IQGAP1: variants seen among roughly 807,000 people sequenced by gnomAD.
IQGAP1 encodes IQ motif containing GTPase activating protein 1, also known as ras GTPase-activating-like protein IQGAP1.
In IQGAP1, 66 loss-of-function variants were observed where a neutral mutation model predicts 215.6. The observed-to-expected ratio is 0.31, with a 90% CI of 0.25 to 0.38. The LOEUF is 0.38. Among genes scored for constraint, IQGAP1 ranks in the 10% least tolerant of loss-of-function variants. The pLI is 1.00. For synonymous variants in IQGAP1, 772 were observed against 728.7 expected (o/e 1.06, Z -0.96); for missense variants, 1,712 against 1,997.1 (o/e 0.86, Z 2.72).
chr15:90,457,001 T>TGA (rs1965693971), intron 15 of IQGAP1, among the ~76,000 whole-genome samples: 1 of 149,874 alleles, frequency 6.7e-6, no homozygotes, highest in Non-Finnish European at 1.5e-5. Flanking sequence ...TATATATATA[T>TGA]GATCCAGAAA....
At chr15:90,476,924 G>T in intron 24 of IQGAP1, 106 bp downstream of exon 24, 1 of 1,321,418 alleles carries the variant, frequency 7.6e-7, no homozygotes, top group South Asian at 1.3e-5. Flanking sequence ...TTCCACTGAG[G>T]GGTGAGTGAG....
In IQGAP1 at chr15:90,500,515, A is replaced by C. The variant is rs1966327606; in HGVS notation, c.*407A>C. ...TGGAAGCTATTAGCACCAATGACAT[A>C]AATACATACAAGACACACAACTAAA... On this transcript the variant is annotated 3_prime_UTR_variant, in exon 38 of 38. Transcript: ENST00000268182. The C allele has an allele frequency of 6.3e-6, 1 of 158,556 alleles. No individual in the cohort carries two copies. The highest frequency in any genetic ancestry group is 1.4e-5 in the Non-Finnish European group (1 of 71,614). The allele number at this position is 158,556 out of a possible 1,614,324, so 9.8% of individuals were successfully genotyped here.
intron 5 of IQGAP1, among the ~76,000 whole-genome samples, chr15:90,438,094 A>G (rs1314084799): frequency 6.6e-6 from 1 of 152,238 alleles, no homozygotes; most frequent in Non-Finnish European, 1.5e-5. Context: ...ATTGCAGTGT[A>G]CATGATGCGT....
intron 17 of IQGAP1, 57 bp downstream of exon 17, chr15:90,466,493 G>GACCCC: frequency 3.4e-6 from 4 of 1,187,814 alleles, no homozygotes; most frequent in Middle Eastern, 2.0e-4. Flanking sequence ...TATATGAGGG[G>GACCCC]ACAGATGTAG....
chr15:90,464,380 C>T (rs140063237), intron 15 of IQGAP1, among the ~76,000 whole-genome samples: 106 of 152,218 alleles, frequency 7.0e-4, no homozygotes, highest in African/African-American at 2.4e-3. Flanking sequence ...CCTACATAAC[C>T]TCAGTATGAC....
rs1448919189 is a variant in IQGAP1, at chr15:90,453,312, G to A, written c.1487+20G>A. On this transcript the variant is annotated intron_variant, in intron 13 of 37. Transcript: ENST00000268182. ...TCAGAGGTGGGTGTCCAGAGTGAAG[G>A]GAATAAATCCATTACGTAGCTGTTA... The A allele has an allele frequency of 1.3e-6, 2 of 1,590,416 alleles. No individual in the cohort carries two copies. The highest frequency in any genetic ancestry group is 2.3e-5 in the South Asian group (2 of 88,142).
At chr15:90,439,565 C>G (rs900106785) in intron 6 of IQGAP1, among the ~76,000 whole-genome samples, 166 bp downstream of exon 6, 1 of 151,580 alleles carries the variant, frequency 6.6e-6, no homozygotes, top group Non-Finnish European at 1.5e-5. Flanking sequence ...GAACACTAAA[C>G]TTGAAATTTC....
intron 2 of IQGAP1, among the ~76,000 whole-genome samples, chr15:90,419,849 G>C (rs899604097): frequency 6.6e-6 from 1 of 152,202 alleles, no homozygotes; most frequent in Non-Finnish European, 1.5e-5. Context: ...AGGCTGGTCA[G>C]ACCATACCTG....
chr15:90,448,873 A>C (rs1271288034), intron 10 of IQGAP1, 137 bp downstream of exon 10: 2 of 774,216 alleles, frequency 2.6e-6, no homozygotes, highest in African/African-American at 3.6e-5. Flanking sequence ...TTAGTTTAAA[A>C]AAAAATCCTC....
At position 90,482,372 on chromosome 15, in the gene IQGAP1, G is replaced by A. The variant is rs375996103; in HGVS notation, c.3555+91G>A. ...ATAGATCATTACTAACTGCCTAAGTGTAGGTTCTGGCAGTAGCTTACCATT... is the reference window on the plus strand; with the variant it reads ...ATAGATCATTACTAACTGCCTAAGTATAGGTTCTGGCAGTAGCTTACCATT... On this transcript the variant is annotated intron_variant, in intron 28 of 37. Transcript: ENST00000268182. 1,054 of 1,208,502 alleles carry A rather than the reference G, an allele frequency of 8.7e-4. 3 individuals carry two copies. The African/African-American group carries it at 0.014, about 16-fold the overall frequency. The allele number at this position is 1,208,502 out of a possible 1,614,324, so 74.9% of individuals were successfully genotyped here.
At chr15:90,397,811 CG>C (rs1964745474) in intron 2 of IQGAP1, 1 of 151,652 alleles carries the variant, frequency 6.6e-6, no homozygotes, top group Non-Finnish European at 1.5e-5. Flanking sequence ...CCACCACGCC[CG>C]GCCTGAACTC....
chr15:90,391,011 G>GT (rs1964628221), intron 2 of IQGAP1, 138 bp downstream of exon 2: 3 of 600,736 alleles, frequency 5.0e-6, no homozygotes, highest in Non-Finnish European at 9.2e-6. Flanking sequence ...AGGTGGGGGG[G>GT]AATCACTTGA....
At chr15:90,461,989 A>G (rs56257214) in intron 15 of IQGAP1, among the ~76,000 whole-genome samples, 28,928 of 59,924 alleles carry the variant, frequency 0.48, 4,045 homozygotes, top group African/African-American at 0.61. Context: ...AACACAAAAA[A>G]AAAAAAAAAA....
chr15:90,483,173 A>G lies in IQGAP1; in HGVS notation c.3556-188A>G, dbSNP rs561481856. 8.9e-6 allele frequency: 5 copies of G among 562,810 alleles called. No homozygotes were observed. In the South Asian group the frequency reaches 1.1e-4, roughly 12 times the overall value. 34.9% of individuals were successfully genotyped at this position (562,810 alleles called of 1,614,324 possible). On this transcript the variant is annotated intron_variant, in intron 28 of 37. Transcript: ENST00000268182. The stretch of plus-strand genomic sequence containing the variant: ...TTGTTTTCCTGTATTGAACAAAGGG[A>G]TATTTCATTTAGTTCCAGGCCATGA...
intron 15 of IQGAP1, among the ~76,000 whole-genome samples, chr15:90,459,014 T>A (rs1335666424): frequency 6.6e-6 from 1 of 152,050 alleles, no homozygotes; most frequent in Admixed American, 6.5e-5. Context: ...CCCACACGAG[T>A]GTCAGTGTGC....
intron 2 of IQGAP1, among the ~76,000 whole-genome samples, chr15:90,396,781 G>A (rs778122305): frequency 6.6e-6 from 1 of 152,112 alleles, no homozygotes; most frequent in African/African-American, 2.4e-5. Context: ...TGTTGCAAAT[G>A]GGGAGTATTC....
chr15:90,434,978 G>A (rs78859187), intron 5 of IQGAP1, among the ~76,000 whole-genome samples: 2 of 152,138 alleles, frequency 1.3e-5, no homozygotes, highest in Non-Finnish European at 2.9e-5. Context: ...TTCTTATATG[G>A]CATCCTCTAT....
chr15:90,439,287 A>G (rs150945408), intron 5 of IQGAP1, 45 bp from the exon 6 acceptor site: 4 of 1,507,834 alleles, frequency 2.7e-6, no homozygotes, highest in Middle Eastern at 1.8e-4. Context: ...GGTGGCAGCT[A>G]GGCACAGCTG....
intron 30 of IQGAP1, among the ~76,000 whole-genome samples, chr15:90,485,021 A>AT (rs1209957167): frequency 6.6e-6 from 1 of 151,900 alleles, no homozygotes; most frequent in Non-Finnish European, 1.5e-5. Flanking sequence ...TCTCTGCGTT[A>AT]TTTTTCTAAC....
Sources: allele counts gnomAD v4.1 joint callset (sites outside exome capture counted in the v4.1 genomes callset), GRCh38; gene constraint gnomAD v4.1.1; transcripts MANE v1.5; gene names NCBI Gene and HGNC (gene_info 2026-07-23, HGNC 2026-07-21).